MSRB3: variants seen among roughly 807,000 people sequenced by gnomAD.
MSRB3 encodes methionine sulfoxide reductase B3, also known as methionine-R-sulfoxide reductase B3.
In MSRB3, 13 loss-of-function variants were observed where a neutral mutation model predicts 21.0. That is an observed-to-expected ratio of 0.62 (90% CI 0.40 to 0.98). The LOEUF is 0.98. Ranked by LOEUF, MSRB3 falls within the 50% of genes least tolerant of loss-of-function variation. The pLI, the probability that MSRB3 is intolerant of heterozygous loss-of-function variation, is 0.00. For synonymous variants in MSRB3, 87 were observed against 88.6 expected (o/e 0.98, Z 0.10); for missense variants, 199 against 230.3 (o/e 0.86, Z 0.88).
At chr12:65,351,864 A>G (rs1877022270) in intron 4 of MSRB3, among the ~76,000 whole-genome samples, 2 of 152,184 alleles carry the variant, frequency 1.3e-5, no homozygotes, top group Non-Finnish European at 2.9e-5. Context: ...ATGGATTCAC[A>G]GCCGAATTCT....
chr12:65,393,593 T>C (rs559852371), intron 5 of MSRB3, among the ~76,000 whole-genome samples: 1 of 131,466 alleles, frequency 7.6e-6, no homozygotes, highest in Non-Finnish European at 1.5e-5. Context: ...ATCACGCCAC[T>C]GCACTCCAGC....
chr12:65,410,345 C>A (rs1880648752), intron 5 of MSRB3, among the ~76,000 whole-genome samples: 2 of 152,090 alleles, frequency 1.3e-5, no homozygotes, highest in Admixed American at 6.6e-5. Context: ...TGGTTAGGAG[C>A]ATGGACTTTG....
Position 65,326,817 on chromosome 12 carries a change from T to G in MSRB3, c.77-9T>G. ...AAGGCTTCTTCTCCCATATCCTCTC[T>G]CTTTTCAGGGTCGTGTAGGGATAAA... On this transcript the variant is annotated splice_polypyrimidine_tract_variant and intron_variant, in intron 2 of 6. Transcript: ENST00000308259. 6.2e-7 allele frequency: 1 copy of G among 1,611,058 alleles called. No individual in the cohort carries two copies. The highest frequency in any genetic ancestry group is 1.3e-5 in the African/African-American group (1 of 74,974).
intron 2 of MSRB3, among the ~76,000 whole-genome samples, chr12:65,322,273 T>C (rs959589448): frequency 2.8e-4 from 43 of 152,116 alleles, no homozygotes; most frequent in African/African-American, 9.7e-4. Flanking sequence ...TATTACTTTT[T>C]CCCCCTTATT....
At chr12:65,376,276 C>G (rs1024037779) in intron 5 of MSRB3, among the ~76,000 whole-genome samples, 1 of 151,980 alleles carries the variant, frequency 6.6e-6, no homozygotes, top group African/African-American at 2.4e-5. Context: ...CCCACCACTG[C>G]GCCCGGCTAA....
At chr12:65,373,707 C>A (rs1411624059) in intron 5 of MSRB3, among the ~76,000 whole-genome samples, 1 of 151,948 alleles carries the variant, frequency 6.6e-6, no homozygotes, top group South Asian at 2.1e-4. Flanking sequence ...GTTTAGTGTG[C>A]GGAGTTGAGG....
chr12:65,455,746 T>A (rs1029769932), intron 6 of MSRB3, among the ~76,000 whole-genome samples: 3 of 152,110 alleles, frequency 2.0e-5, no homozygotes, highest in Non-Finnish European at 4.4e-5. Context: ...TGGGGTTTTT[T>A]TTGTTTTTGA....
rs1218056642 is a variant in MSRB3 at position 65,295,610 on chromosome 12, T to C, written c.-51-12919T>C. 2.0e-5 allele frequency among the ~76,000 whole-genome samples: 3 copies of C among 152,200 alleles called. No homozygotes were observed. The East Asian group carries it at 5.8e-4, about 29-fold the overall frequency. The stretch of plus-strand genomic sequence containing the variant: ...CTGTTTATTTCCTGAGCCCTTCTGT[T>C]ATCTGAGGAAATTAAAGACTATTAT... On this transcript the variant is annotated intron_variant, in intron 1 of 6. Transcript: ENST00000308259.
chr12:65,377,026 G>A (rs1030183739), intron 5 of MSRB3, among the ~76,000 whole-genome samples: 6 of 152,144 alleles, frequency 3.9e-5, no homozygotes, highest in South Asian at 2.1e-4. Context: ...ACTTAAGATC[G>A]TCCCCCGACT....
intron 1 of MSRB3, among the ~76,000 whole-genome samples, chr12:65,280,380 A>T (rs1021685729): frequency 1.1e-4 from 16 of 152,210 alleles, no homozygotes; most frequent in South Asian, 4.1e-4. Flanking sequence ...ATTTCTAAAA[A>T]ATACTGTGCT....
intron 1 of MSRB3, among the ~76,000 whole-genome samples, chr12:65,282,527 A>T (rs1356739111): frequency 2.6e-5 from 4 of 152,224 alleles, no homozygotes; most frequent in African/African-American, 9.6e-5. Flanking sequence ...GAAATGAACT[A>T]GTTTTAGCAA....
At chr12:65,427,891 G>A (rs912037668) in intron 5 of MSRB3, among the ~76,000 whole-genome samples, 1 of 152,200 alleles carries the variant, frequency 6.6e-6, no homozygotes, top group African/African-American at 2.4e-5. Context: ...GTACAAATTA[G>A]CTTGCTAGTA....
At chr12:65,280,768 A>G (rs192911949) in intron 1 of MSRB3, among the ~76,000 whole-genome samples, 6 of 152,312 alleles carry the variant, frequency 3.9e-5, no homozygotes. Context: ...GAATCAACAC[A>G]CTGCTTTTTG....
At chr12:65,406,920 G>C (rs1016331229) in intron 5 of MSRB3, among the ~76,000 whole-genome samples, 2 of 152,220 alleles carry the variant, frequency 1.3e-5, no homozygotes, top group Non-Finnish European at 2.9e-5. Context: ...TGGAAGCAGA[G>C]AGAGCCAGCC....
At chr12:65,284,294 G>A (rs769975554) in intron 1 of MSRB3, 1 of 152,202 alleles carries the variant, frequency 6.6e-6, no homozygotes, top group Non-Finnish European at 1.5e-5. Context: ...ATAAGTCATA[G>A]GACCAATAAA....
intron 5 of MSRB3, among the ~76,000 whole-genome samples, chr12:65,399,822 AT>A (rs1214563883): frequency 6.6e-6 from 1 of 152,194 alleles, no homozygotes; most frequent in East Asian, 1.9e-4. Context: ...GGGGTGTTGA[AT>A]TTTATCAAAG....
At chr12:65,369,528 T>C (rs1878203601) in intron 5 of MSRB3, among the ~76,000 whole-genome samples, 2 of 152,204 alleles carry the variant, frequency 1.3e-5, no homozygotes, top group Non-Finnish European at 2.9e-5. Flanking sequence ...CCTTAAGCCA[T>C]TATTTTGAAT....
Position 65,326,961 on chromosome 12 carries a change from T to C in MSRB3, c.185+27T>C, listed in dbSNP as rs752298845. On this transcript the variant is annotated intron_variant, in intron 3 of 6. Coordinates refer to ENST00000308259, the MANE Select transcript of MSRB3 (RefSeq NM_001031679.3). ...TAAGGTGAGCTTTAATAAAAAGTCA[T>C]TAAGAGCTAGATTTCTTCTCCCCCT... 7.1e-6 allele frequency: 11 copies of C among 1,556,098 alleles called. No individual in the cohort carries two copies. The Admixed American group carries it at 1.0e-4, about 15-fold the overall frequency.
intron 4 of MSRB3, among the ~76,000 whole-genome samples, chr12:65,347,145 GC>G (rs1213525115): frequency 6.6e-6 from 1 of 152,118 alleles, no homozygotes; most frequent in Non-Finnish European, 1.5e-5. Context: ...GCTTTATGGG[GC>G]TGGCATTGAA....
Sources: allele counts gnomAD v4.1 joint callset (sites outside exome capture counted in the v4.1 genomes callset), GRCh38; gene constraint gnomAD v4.1.1; transcripts MANE v1.5; gene names NCBI Gene and HGNC (gene_info 2026-07-23, HGNC 2026-07-21).